Variants in CNTN3 observed in about 807,000 individuals in gnomAD.
The protein encoded by CNTN3 is contactin-3.
CNTN3 carries 60 observed loss-of-function variants against 119.1 expected under a neutral mutation model. The ratio of observed to expected loss-of-function variants is 0.50; its 90% CI spans 0.41 to 0.62. The LOEUF (loss-of-function observed/expected upper bound fraction) is 0.62. CNTN3 is among the 20% of genes least tolerant of loss of function. The pLI is 0.00. For missense variants in CNTN3, 1,101 were observed against 1,242.4 expected (o/e 0.89, Z 1.71); for synonymous variants, 450 against 438.7 (o/e 1.03, Z -0.32).
At chr3:74,581,141 AAGT>A (rs1704498356) in intron 1 of CNTN3, among the ~76,000 whole-genome samples, 1 of 152,234 alleles carries the variant, frequency 6.6e-6, no homozygotes, top group African/African-American at 2.4e-5. Flanking sequence ...AAGGAGTAGT[AAGT>A]CAAACTAAGA....
chr3:74,476,758 T>C (rs1702663244), intron 4 of CNTN3, among the ~76,000 whole-genome samples: 1 of 152,068 alleles, frequency 6.6e-6, no homozygotes, highest in Non-Finnish European at 1.5e-5. Flanking sequence ...TCAGATAGAA[T>C]GTCTCGACAT....
chr3:74,312,455 C>CAA (rs745514119), intron 13 of CNTN3, among the ~76,000 whole-genome samples: 6,921 of 27,740 alleles, frequency 0.25, 1,559 homozygotes, highest in East Asian at 0.7. Context: ...GACTCCATCT[C>CAA]AAAAAAAAAA....
rs1004548976 is a variant in CNTN3, at chr3:74,263,703, T to A, written c.*698A>T. ...ATTTGGGGTGACAAAAGCACTTTCA[T>A]ACTTCAGTCTTTATCTTTTAAAAAC... On this transcript the variant is annotated 3_prime_UTR_variant, in exon 23 of 23. Transcript: ENST00000263665. 6.6e-6 allele frequency: 1 copy of A among 152,080 alleles called. No individual in the cohort carries two copies. Among genetic ancestry groups the A allele is most frequent in the Non-Finnish European group, 1.5e-5 (1 of 67,988 alleles). The allele number at this position is 152,080 out of a possible 1,614,324, so 9.4% of individuals were successfully genotyped here.
chr3:74,390,513 CAG>C (rs1208106770), intron 5 of CNTN3, among the ~76,000 whole-genome samples: 2 of 151,268 alleles, frequency 1.3e-5, no homozygotes, highest in Non-Finnish European at 2.9e-5. Flanking sequence ...AATCAAGAAA[CAG>C]AGTTAACCCA....
chr3:74,591,585 G>A (rs987627375), intron 1 of CNTN3, among the ~76,000 whole-genome samples: 14 of 151,814 alleles, frequency 9.2e-5, no homozygotes, highest in East Asian at 3.9e-4. Flanking sequence ...GCCTGGAAGC[G>A]GGGAAACAGC....
chr3:74,361,296 A>C (rs563534141), intron 11 of CNTN3, among the ~76,000 whole-genome samples: 1 of 152,280 alleles, frequency 6.6e-6, no homozygotes, highest in African/African-American at 2.4e-5. Flanking sequence ...ACTAACAAAT[A>C]AGGGAATGAG....
At chr3:74,479,999 T>C (rs1032110407) in intron 4 of CNTN3, among the ~76,000 whole-genome samples, 1 of 151,956 alleles carries the variant, frequency 6.6e-6, no homozygotes, top group Non-Finnish European at 1.5e-5. Flanking sequence ...AAAGGAAAAA[T>C]ATTCAGAATT....
chr3:74,365,837 G>A (rs1704174275), intron 8 of CNTN3, 135 bp from the exon 9 acceptor site: 1 of 988,872 alleles, frequency 1.0e-6, no homozygotes. Context: ...TGAGAACAGA[G>A]GCTAGAATTA....
At position 74,481,862 on chromosome 3, in the gene CNTN3, A is replaced by G. The variant is rs186899796; in HGVS notation, c.358+4594T>C. Reference sequence around the variant, plus strand: ...TAATATTTATAAGAGAAAATTAAATATATGTCTAGATAAAGCAGAAATGAG... The same window carrying G: ...TAATATTTATAAGAGAAAATTAAATGTATGTCTAGATAAAGCAGAAATGAG... On this transcript the variant is annotated intron_variant, in intron 4 of 22. Coordinates refer to ENST00000263665, the MANE Select transcript of CNTN3 (RefSeq NM_020872.3). Among the ~76,000 whole-genome samples, 437 of 151,928 alleles carry G rather than the reference A, an allele frequency of 2.9e-3. 4 individuals are homozygous for G. Among genetic ancestry groups the G allele is most frequent in the Non-Finnish European group, 2.0e-3 (133 of 67,840 alleles).
At position 74,494,172 on chromosome 3, in the gene CNTN3, C is replaced by T. The variant is rs369616620; in HGVS notation, c.182+5487G>A. Among the ~76,000 whole-genome samples, 22 of 152,164 alleles carry T rather than the reference C, an allele frequency of 1.4e-4. No individual in the cohort carries two copies. The East Asian group carries it at 4.3e-3, about 30-fold the overall frequency. Reference sequence around the variant, plus strand: ...CCCTCCTCATACGAACCTGGCCTGGCCAGTCAGAACATTCCATGGCTCAAC... The same window carrying T: ...CCCTCCTCATACGAACCTGGCCTGGTCAGTCAGAACATTCCATGGCTCAAC... On this transcript the variant is annotated intron_variant, in intron 3 of 22. Coordinates refer to ENST00000263665, the MANE Select transcript of CNTN3 (RefSeq NM_020872.3).
chr3:74,319,536 C>A (rs758502919), intron 13 of CNTN3, among the ~76,000 whole-genome samples: 1,645 of 152,094 alleles, frequency 0.011, 13 homozygotes, highest in Middle Eastern at 0.021. Flanking sequence ...TAAAGACTTA[C>A]ATGTTAGACC....
chr3:74,589,969 G>C (rs867410554), intron 1 of CNTN3, among the ~76,000 whole-genome samples: 8 of 121,052 alleles, frequency 6.6e-5, no homozygotes, highest in African/African-American at 1.8e-4. Context: ...GGGTGGGGGG[G>C]AGGGGGGAGG....
At chr3:74,535,753 T>A (rs1459385076) in intron 1 of CNTN3, among the ~76,000 whole-genome samples, 1 of 152,108 alleles carries the variant, frequency 6.6e-6, no homozygotes, top group Non-Finnish European at 1.5e-5. Context: ...TCAGTTTTTA[T>A]TTTTGTAATA....
rs567050856 is a variant in CNTN3, at chr3:74,589,935, C to T, written c.-81+24456G>A. Among the ~76,000 whole-genome samples, 177 of 124,130 alleles carry T rather than the reference C, an allele frequency of 1.4e-3. 1 individual carries two copies. Among genetic ancestry groups the T allele is most frequent in the African/African-American group, 5.4e-3 (173 of 31,790 alleles). The allele number at this position is 124,130 out of a possible 152,430, so 81.4% of individuals were successfully genotyped here. The stretch of plus-strand genomic sequence containing the variant: ...GAACACATGGACACAGGAAGGGGAA[C>T]ATCACACTCTGGGGAGTGTTGTGGG... On this transcript the variant is annotated intron_variant, in intron 1 of 22. Coordinates refer to ENST00000263665, the MANE Select transcript of CNTN3 (RefSeq NM_020872.3).
chr3:74,336,491 T>C, intron 12 of CNTN3, 40 bp downstream of exon 12: 2 of 1,600,440 alleles, frequency 1.2e-6, no homozygotes, highest in Non-Finnish European at 1.7e-6. Context: ...CATCTTACAG[T>C]GAATCCGTAT....
At chr3:74,424,998 T>A (rs1701673909) in intron 4 of CNTN3, 58 bp from the exon 5 acceptor site, 2 of 1,159,664 alleles carry the variant, frequency 1.7e-6, no homozygotes, top group Non-Finnish European at 1.2e-6. Context: ...TCACAAATTT[T>A]ACACCAAGAC....
intron 3 of CNTN3, among the ~76,000 whole-genome samples, chr3:74,496,081 A>T (rs1703057822): frequency 6.6e-6 from 1 of 152,008 alleles, no homozygotes; most frequent in Non-Finnish European, 1.5e-5. Context: ...TGAACAACTG[A>T]ATTTTTAATT....
At chr3:74,517,073 T>C (rs1192447670) in intron 2 of CNTN3, among the ~76,000 whole-genome samples, 1 of 151,870 alleles carries the variant, frequency 6.6e-6, no homozygotes, top group African/African-American at 2.4e-5. Flanking sequence ...TTCTCCTGAC[T>C]CCAAGTTTTT....
intron 1 of CNTN3, among the ~76,000 whole-genome samples, chr3:74,544,457 T>C (rs543344112): frequency 1.3e-5 from 2 of 152,282 alleles, no homozygotes; most frequent in South Asian, 4.1e-4. Context: ...CTTCAGCTTA[T>C]CCAGAGTCCC....
Sources: allele counts gnomAD v4.1 joint callset (sites outside exome capture counted in the v4.1 genomes callset), GRCh38; gene constraint gnomAD v4.1.1; transcripts MANE v1.5; gene names NCBI Gene and HGNC (gene_info 2026-07-23, HGNC 2026-07-21).